Variants in CTNND2 observed in about 807,000 individuals in gnomAD.
The protein encoded by CTNND2 is catenin delta-2.
In CTNND2, 22 loss-of-function variants were observed where a neutral mutation model predicts 144.4. The observed-to-expected ratio is 0.15, with a 90% CI of 0.11 to 0.22. CTNND2 has a LOEUF of 0.22. Among genes scored for constraint, CTNND2 ranks in the 10% least tolerant of loss-of-function variants. CTNND2 has a pLI of 1.00. For missense variants in CTNND2, 1,353 were observed against 1,618.8 expected, an observed-to-expected ratio of 0.84 and a Z score of 2.82; for synonymous variants, 751 against 695.6, an observed-to-expected ratio of 1.08 and a Z score of -1.25.
chr5:11,066,052 T>C (rs1747539180), intron 16 of CTNND2, among the ~76,000 whole-genome samples: 1 of 151,964 alleles, frequency 6.6e-6, no homozygotes, highest in South Asian at 2.1e-4. Context: ...TCTTTTTTTT[T>C]TTTTTTCAGA....
At chr5:11,761,432 G>A (rs1789255845) in intron 1 of CTNND2, among the ~76,000 whole-genome samples, 1 of 152,106 alleles carries the variant, frequency 6.6e-6, no homozygotes, top group African/African-American at 2.4e-5. Flanking sequence ...GAGGATTAAA[G>A]TTCCATTGAT....
At chr5:11,144,916 A>G (rs1324504690) in intron 12 of CTNND2, among the ~76,000 whole-genome samples, 4 of 152,058 alleles carry the variant, frequency 2.6e-5, no homozygotes, top group African/African-American at 4.8e-5. Flanking sequence ...CCCAAGACAG[A>G]CTTTCATTAC....
At chr5:11,191,291 T>C (rs1284476031) in intron 11 of CTNND2, among the ~76,000 whole-genome samples, 1 of 152,182 alleles carries the variant, frequency 6.6e-6, no homozygotes, top group Admixed American at 6.5e-5. Context: ...AAATCACTGT[T>C]GCCCCATAGG....
intron 2 of CTNND2, among the ~76,000 whole-genome samples, chr5:11,572,339 T>C (rs952563031): frequency 2.0e-5 from 3 of 152,192 alleles, no homozygotes; most frequent in African/African-American, 7.2e-5. Context: ...CAGGTTTCGG[T>C]CAACTTTCCT....
chr5:11,704,100 G>A (rs73743029), intron 2 of CTNND2, among the ~76,000 whole-genome samples: 1,801 of 152,294 alleles, frequency 0.012, 29 homozygotes, highest in African/African-American at 0.042. Flanking sequence ...TGAACATGCT[G>A]TTTTAACATC....
intron 18 of CTNND2, among the ~76,000 whole-genome samples, chr5:10,997,757 A>G (rs1739513753): frequency 6.6e-6 from 1 of 152,162 alleles, no homozygotes; most frequent in South Asian, 2.1e-4. Flanking sequence ...ACAGTCGTTT[A>G]GTCAAAACCT....
At chr5:11,626,389 C>T (rs963923840) in intron 2 of CTNND2, among the ~76,000 whole-genome samples, 8 of 152,074 alleles carry the variant, frequency 5.3e-5, no homozygotes, top group Non-Finnish European at 8.8e-5. Context: ...TTAGTAATGA[C>T]GTAAAACCTA....
chr5:11,334,740 G>A (rs1753564557), intron 9 of CTNND2, among the ~76,000 whole-genome samples: 1 of 152,156 alleles, frequency 6.6e-6, no homozygotes, highest in African/African-American at 2.4e-5. Context: ...CCCTCACTTT[G>A]GGGGTTTCTT....
intron 1 of CTNND2, among the ~76,000 whole-genome samples, chr5:11,811,082 A>C (rs1321325099): frequency 6.6e-6 from 1 of 152,208 alleles, no homozygotes; most frequent in East Asian, 1.9e-4. Context: ...TTTTATCTTC[A>C]GCCCACAAAT....
intron 3 of CTNND2, among the ~76,000 whole-genome samples, chr5:11,531,391 C>T (rs1166350416): frequency 2.0e-5 from 3 of 151,992 alleles, no homozygotes; most frequent in African/African-American, 4.8e-5. Flanking sequence ...TTTGGGAGGC[C>T]GAGGAGGGTA....
At chr5:11,522,974 T>G (rs1159424115) in intron 3 of CTNND2, among the ~76,000 whole-genome samples, 1 of 152,204 alleles carries the variant, frequency 6.6e-6, no homozygotes, top group Non-Finnish European at 1.5e-5. Flanking sequence ...GCATATATTC[T>G]CCAACATTTC....
At chr5:11,607,145 G>A (rs1012296346) in intron 2 of CTNND2, among the ~76,000 whole-genome samples, 1 of 152,122 alleles carries the variant, frequency 6.6e-6, no homozygotes, top group Non-Finnish European at 1.5e-5. Flanking sequence ...GGGAGTGACC[G>A]GGGACAGATT....
chr5:11,615,478 T>C (rs1362153785), intron 2 of CTNND2, among the ~76,000 whole-genome samples: 1 of 152,216 alleles, frequency 6.6e-6, no homozygotes, highest in Non-Finnish European at 1.5e-5. Context: ...TATACATTTT[T>C]AAGTACTGAA....
At chr5:11,460,816 C>T (rs1209508629) in intron 3 of CTNND2, among the ~76,000 whole-genome samples, 1 of 152,142 alleles carries the variant, frequency 6.6e-6, no homozygotes, top group Non-Finnish European at 1.5e-5. Flanking sequence ...CTTTGGGAGG[C>T]TGAGGTGGGC....
chr5:11,544,559 T>C (rs1040765412), intron 3 of CTNND2, among the ~76,000 whole-genome samples: 1 of 152,238 alleles, frequency 6.6e-6, no homozygotes, highest in African/African-American at 2.4e-5. Context: ...GGTAAATGAA[T>C]ATGCAAATTG....
intron 1 of CTNND2, among the ~76,000 whole-genome samples, chr5:11,859,493 T>A (rs1023048945): frequency 5.9e-5 from 9 of 152,174 alleles, no homozygotes; most frequent in African/African-American, 2.2e-4. Flanking sequence ...AACAAGTTCA[T>A]GTATCATCTG....
intron 3 of CTNND2, among the ~76,000 whole-genome samples, chr5:11,442,290 C>A (rs994403827): frequency 5.9e-5 from 9 of 152,196 alleles, no homozygotes; most frequent in African/African-American, 7.2e-5. Context: ...TAAAATAGTA[C>A]ATAGATACAG....
At chr5:11,119,054 C>A (rs764783164) in intron 12 of CTNND2, among the ~76,000 whole-genome samples, 1 of 152,220 alleles carries the variant, frequency 6.6e-6, no homozygotes, top group Non-Finnish European at 1.5e-5. Context: ...CATTACTGCA[C>A]CGAGACTTTC....
At chr5:11,738,417 C>T (rs564614437) in intron 1 of CTNND2, among the ~76,000 whole-genome samples, 11 of 152,266 alleles carry the variant, frequency 7.2e-5, no homozygotes, top group Admixed American at 1.3e-4. Flanking sequence ...GTTATGATGT[C>T]CAAATGAATA....
Sources: allele counts gnomAD v4.1 joint callset (sites outside exome capture counted in the v4.1 genomes callset), GRCh38; gene constraint gnomAD v4.1.1; transcripts MANE v1.5; gene names NCBI Gene and HGNC (gene_info 2026-07-23, HGNC 2026-07-21).